TMEM132D: variants seen among roughly 807,000 people sequenced by gnomAD.
TMEM132D encodes the protein transmembrane protein 132D.
TMEM132D carries 21 observed loss-of-function variants against 62.3 expected under a neutral mutation model. The ratio of observed to expected loss-of-function variants is 0.34; its 90% CI spans 0.24 to 0.49. TMEM132D has a LOEUF of 0.49. Among genes scored for constraint, TMEM132D ranks in the 20% least tolerant of loss-of-function variants. The pLI, the probability that TMEM132D is intolerant of heterozygous loss-of-function variation, is 0.99. For synonymous variants in TMEM132D, 621 were observed against 575.6 expected, an observed-to-expected ratio of 1.08 and a Z score of -1.13; for missense variants, 1,346 against 1,402.8, an observed-to-expected ratio of 0.96 and a Z score of 0.65.
chr12:129,810,597 C>T (rs904856368), intron 1 of TMEM132D, among the ~76,000 whole-genome samples: 1 of 151,704 alleles, frequency 6.6e-6, no homozygotes, highest in Admixed American at 6.6e-5. Context: ...TTAACCTGTG[C>T]CTTACCATAC....
At chr12:129,232,644 C>T (rs771562615) in intron 4 of TMEM132D, among the ~76,000 whole-genome samples, 1 of 152,152 alleles carries the variant, frequency 6.6e-6, no homozygotes, top group Non-Finnish European at 1.5e-5. Flanking sequence ...CTCACAATCA[C>T]ATTCTGTATT....
intron 4 of TMEM132D, among the ~76,000 whole-genome samples, chr12:129,306,532 T>C (rs1463081889): frequency 1.3e-5 from 2 of 152,214 alleles, no homozygotes; most frequent in East Asian, 1.9e-4. Context: ...AATACAGATG[T>C]TGATTGTTGT....
rs888947156 is a variant in TMEM132D, at chr12:129,903,955, GCCGCCGCCTCGGC to G, written c.-629_-617del. Among the ~76,000 whole-genome samples the G allele has an allele frequency of 3.0e-4, 44 of 148,382 alleles. No homozygotes were observed. The highest frequency in any genetic ancestry group is 1.1e-3 in the African/African-American group (44 of 41,186). The stretch of plus-strand genomic sequence containing the variant: ...GTTTGGCGGGTGCGGCTGCTCCCCG[GCCGCCGCCTCGGC>G]CCGCCCGGCCCCGGGCCCGGCTGGG... On this transcript the variant is annotated 5_prime_UTR_variant, in exon 1 of 9. Coordinates refer to ENST00000422113, the MANE Select transcript of TMEM132D (RefSeq NM_133448.3). The surrounding 1 kb of genome is among the most constrained non-coding windows in gnomAD (Gnocchi z 6.2).
intron 3 of TMEM132D, among the ~76,000 whole-genome samples, chr12:129,472,538 G>T (rs1373760742): frequency 1.3e-5 from 2 of 152,170 alleles, no homozygotes; most frequent in Non-Finnish European, 2.9e-5. Flanking sequence ...ACTATGGCAG[G>T]TGTATACCTA....
intron 3 of TMEM132D, among the ~76,000 whole-genome samples, chr12:129,461,602 T>C (rs1188616809): frequency 6.6e-6 from 1 of 152,000 alleles, no homozygotes; most frequent in African/African-American, 2.4e-5. Context: ...CACATCAAAC[T>C]GGAAGACTAG....
intron 4 of TMEM132D, among the ~76,000 whole-genome samples, chr12:129,217,282 T>A (rs1177679274): frequency 1.3e-5 from 2 of 152,196 alleles, no homozygotes; most frequent in Non-Finnish European, 2.9e-5. Context: ...GTCATTATCC[T>A]TAGCAAACTA....
chr12:129,381,390 A>C lies in TMEM132D; in HGVS notation c.1116-43573T>G, dbSNP rs555982536. On this transcript the variant is annotated intron_variant, in intron 3 of 8. Coordinates refer to ENST00000422113, the MANE Select transcript of TMEM132D (RefSeq NM_133448.3). ...TCTAACTTTGAGAATACTGGAAAAC[A>C]CTTCTTTTCACATTTCCAAGCAACT... Among the ~76,000 whole-genome samples, 67 of 152,320 alleles carry C rather than the reference A, an allele frequency of 4.4e-4. 1 individual carries two copies. In the South Asian group the frequency reaches 0.013, roughly 31 times the overall value.
chr12:129,281,144 A>G (rs1001061099), intron 4 of TMEM132D, among the ~76,000 whole-genome samples: 1 of 152,084 alleles, frequency 6.6e-6, no homozygotes, highest in African/African-American at 2.4e-5. Context: ...TGTCTTCGCC[A>G]TACTCTATTC....
chr12:129,640,739 C>T (rs1327339919), intron 2 of TMEM132D, among the ~76,000 whole-genome samples: 1 of 152,168 alleles, frequency 6.6e-6, no homozygotes, highest in Non-Finnish European at 1.5e-5. Flanking sequence ...TGTTAGGAGC[C>T]ATGACACATA....
At chr12:129,152,801 C>A (rs1337699735) in intron 5 of TMEM132D, among the ~76,000 whole-genome samples, 1 of 152,232 alleles carries the variant, frequency 6.6e-6, no homozygotes, top group African/African-American at 2.4e-5. Context: ...GAATCCCAGG[C>A]TCTGCAAACC....
chr12:129,166,251 G>A (rs560967325), intron 5 of TMEM132D, among the ~76,000 whole-genome samples: 53 of 149,002 alleles, frequency 3.6e-4, no homozygotes, highest in Admixed American at 8.1e-4. Context: ...ATTCGACTGA[G>A]TGTTGCGGCT....
intron 2 of TMEM132D, among the ~76,000 whole-genome samples, chr12:129,613,099 CT>C (rs1418811329): frequency 6.6e-6 from 1 of 151,958 alleles, no homozygotes; most frequent in Non-Finnish European, 1.5e-5. Flanking sequence ...GATATTAAAC[CT>C]TTTTTCCTAG....
intron 1 of TMEM132D, among the ~76,000 whole-genome samples, chr12:129,755,752 G>A (rs1870148999): frequency 6.6e-6 from 1 of 152,172 alleles, no homozygotes. Context: ...TTCAGAGAAG[G>A]TAAAGCAGAT....
rs1444608479 is a variant in TMEM132D at position 129,351,001 on chromosome 12, A to C, written c.1116-13184T>G. Among the ~76,000 whole-genome samples the C allele has an allele frequency of 2.6e-5, 4 of 152,228 alleles. No individual in the cohort carries two copies. In the East Asian group the frequency reaches 5.8e-4, roughly 22 times the overall value. On this transcript the variant is annotated intron_variant, in intron 3 of 8. Coordinates refer to ENST00000422113, the MANE Select transcript of TMEM132D (RefSeq NM_133448.3). ...GAAAGCCTCAATAATAGTCACCACCAGACTGAAACCCACGATATAGGATGG... is the reference window on the plus strand; with the variant it reads ...GAAAGCCTCAATAATAGTCACCACCCGACTGAAACCCACGATATAGGATGG...
chr12:129,888,104 T>C (rs553827623), intron 1 of TMEM132D, among the ~76,000 whole-genome samples: 1 of 152,376 alleles, frequency 6.6e-6, no homozygotes, highest in African/African-American at 2.4e-5. Flanking sequence ...AAATATTGAA[T>C]GCTTGTAAAA....
At chr12:129,708,610 T>G (rs1211076284) in intron 1 of TMEM132D, among the ~76,000 whole-genome samples, 2 of 33,118 alleles carry the variant, frequency 6.0e-5, no homozygotes, top group African/African-American at 1.3e-4. Flanking sequence ...GAGGCTCAGG[T>G]AAAAAAAAAA....
chr12:129,552,380 C>T (rs996004945), intron 2 of TMEM132D, among the ~76,000 whole-genome samples: 2 of 152,004 alleles, frequency 1.3e-5, no homozygotes, highest in Non-Finnish European at 2.9e-5. Flanking sequence ...TGTTTATATC[C>T]ATTATCTATT....
chr12:129,860,912 C>G (rs1474499258), intron 1 of TMEM132D, among the ~76,000 whole-genome samples: 1 of 152,124 alleles, frequency 6.6e-6, no homozygotes, highest in African/African-American at 2.4e-5. Flanking sequence ...GAAACTGCCT[C>G]CATGATTCAA....
intron 2 of TMEM132D, among the ~76,000 whole-genome samples, chr12:129,551,914 TG>T (rs1351612651): frequency 6.6e-6 from 1 of 152,168 alleles, no homozygotes; most frequent in African/African-American, 2.4e-5. Flanking sequence ...ATATTTTGGT[TG>T]GGGTGAGGGA....
Sources: gnomAD v4.1 joint callset for allele counts (sites outside exome capture counted in the v4.1 genomes callset) on GRCh38, gnomAD v4.1.1 for gene constraint, Gnocchi (gnomAD v3.1) non-coding constraint, MANE v1.5 for transcripts, NCBI Gene and HGNC (gene_info 2026-07-23, HGNC 2026-07-21) for gene names.